The following AUTS2 variants were observed in gnomAD, a reference collection of about 807,000 sequenced individuals.
AUTS2 encodes the protein autism susceptibility gene 2 protein.
AUTS2 carries 17 observed loss-of-function variants against 112.4 expected under a neutral mutation model. The observed-to-expected ratio is 0.15, with a 90% CI of 0.10 to 0.23. The LOEUF (loss-of-function observed/expected upper bound fraction) is 0.23, where lower values mean the gene tolerates loss of function less well. AUTS2 is among the 10% of genes least tolerant of loss of function. The pLI is 1.00. For synonymous variants in AUTS2, 751 were observed against 702.7 expected, an observed-to-expected ratio of 1.07 and a Z score of -1.09; for missense variants, 1,510 against 1,701.6, an observed-to-expected ratio of 0.89 and a Z score of 1.98.
chr7:69,729,992 TA>T (rs1786712153), intron 1 of AUTS2, among the ~76,000 whole-genome samples: 1 of 132,200 alleles, frequency 7.6e-6, no homozygotes, highest in African/African-American at 2.8e-5. Flanking sequence ...GTTGTTGTTT[TA>T]ATTTTTTTTT....
At chr7:69,762,193 G>A (rs564410383) in intron 1 of AUTS2, among the ~76,000 whole-genome samples, 31 of 151,698 alleles carry the variant, frequency 2.0e-4, no homozygotes, top group Non-Finnish European at 3.7e-4. Flanking sequence ...TTTAACTACC[G>A]GTAACATAAT....
chr7:69,821,457 G>A (rs1790987706), intron 1 of AUTS2, among the ~76,000 whole-genome samples: 1 of 152,112 alleles, frequency 6.6e-6, no homozygotes, highest in Non-Finnish European at 1.5e-5. Context: ...GACGTGGGCA[G>A]GGACAAATAA....
rs146367672 is a variant in AUTS2 at position 70,400,811 on chromosome 7, C to A, written c.661-34941C>A. ...AAAAATACATATACCTTGGGCCCCACCCAGACTTACTCAATCCTAATCTAT... is the reference window on the plus strand; with the variant it reads ...AAAAATACATATACCTTGGGCCCCAACCAGACTTACTCAATCCTAATCTAT... On this transcript the variant is annotated intron_variant, in intron 4 of 18. Transcript: ENST00000342771. Among the ~76,000 whole-genome samples, 465 of 152,252 alleles carry A rather than the reference C, an allele frequency of 3.1e-3. 4 individuals are homozygous for A. The highest frequency in any genetic ancestry group is 0.011 in the African/African-American group (445 of 41,530).
intron 5 of AUTS2, among the ~76,000 whole-genome samples, chr7:70,568,373 A>T (rs1339762435): frequency 1.3e-5 from 2 of 152,204 alleles, no homozygotes; most frequent in East Asian, 3.8e-4. Context: ...CTAGCTCTTC[A>T]GATTGTGAGG....
intron 1 of AUTS2, among the ~76,000 whole-genome samples, chr7:69,869,131 A>T (rs1032443233): frequency 3.6e-4 from 55 of 152,336 alleles, no homozygotes; most frequent in Non-Finnish European, 6.5e-4. Context: ...TGTACCACAG[A>T]GTTACGCAAG....
chr7:70,495,173 G>A (rs995893352), intron 5 of AUTS2, among the ~76,000 whole-genome samples: 1 of 147,274 alleles, frequency 6.8e-6, no homozygotes, highest in African/African-American at 2.5e-5. Context: ...ACCTGGGAGA[G>A]AGTGAGGGAA....
chr7:70,705,925 C>T (rs1437663198), intron 6 of AUTS2, among the ~76,000 whole-genome samples: 1 of 152,340 alleles, frequency 6.6e-6, no homozygotes, highest in South Asian at 2.1e-4. Flanking sequence ...CCGAACAAGC[C>T]TCTCAGCATG....
intron 1 of AUTS2, among the ~76,000 whole-genome samples, chr7:69,736,647 G>C (rs1380504181): frequency 2.0e-5 from 3 of 152,214 alleles, no homozygotes; most frequent in Admixed American, 6.5e-5. Flanking sequence ...CTCTCAGTAA[G>C]CAGGCTGTAA....
At chr7:69,786,747 C>T (rs1024335787) in intron 1 of AUTS2, among the ~76,000 whole-genome samples, 1 of 152,156 alleles carries the variant, frequency 6.6e-6, no homozygotes, top group African/African-American at 2.4e-5. Flanking sequence ...AGCCACCGTG[C>T]CTGACCTGTC....
At chr7:69,792,262 C>T (rs1258847656) in intron 1 of AUTS2, among the ~76,000 whole-genome samples, 25 of 147,326 alleles carry the variant, frequency 1.7e-4, no homozygotes, top group Admixed American at 1.3e-3. Flanking sequence ...TTTTTTAAGA[C>T]GGAGTCTCGC....
chr7:70,672,603 T>TC (rs752393336), intron 5 of AUTS2, among the ~76,000 whole-genome samples: 6 of 151,652 alleles, frequency 4.0e-5, no homozygotes, highest in Middle Eastern at 3.2e-3. Flanking sequence ...GATTTCTTTT[T>TC]CTTTTTTTTT....
At chr7:70,545,380 C>A (rs1307925602) in intron 5 of AUTS2, among the ~76,000 whole-genome samples, 1 of 152,200 alleles carries the variant, frequency 6.6e-6, no homozygotes, top group South Asian at 2.1e-4. Flanking sequence ...CCCTGCTGTT[C>A]CAGTTCACTG....
intron 1 of AUTS2, among the ~76,000 whole-genome samples, chr7:69,765,597 G>A (rs1453117320): frequency 2.0e-5 from 3 of 152,132 alleles, no homozygotes; most frequent in East Asian, 3.9e-4. Context: ...GATCACAGGC[G>A]TGAGCCACTG....
At chr7:70,193,494 G>A (rs1810011619) in intron 4 of AUTS2, among the ~76,000 whole-genome samples, 2 of 152,278 alleles carry the variant, frequency 1.3e-5, no homozygotes, top group Admixed American at 6.5e-5. Flanking sequence ...TAGAAATCTT[G>A]AGGTTTAGAG....
intron 2 of AUTS2, among the ~76,000 whole-genome samples, chr7:69,991,902 A>G (rs1798756343): frequency 6.6e-6 from 1 of 152,194 alleles, no homozygotes; most frequent in East Asian, 1.9e-4. Flanking sequence ...AGATAACCAG[A>G]TATGTATCTG....
intron 6 of AUTS2, among the ~76,000 whole-genome samples, chr7:70,752,624 C>G (rs1378674673): frequency 1.3e-5 from 2 of 152,144 alleles, no homozygotes; most frequent in Non-Finnish European, 2.9e-5. Flanking sequence ...TTGTCCTGAA[C>G]AGGGCCTAAC....
chr7:70,197,154 C>A (rs1252491864), intron 4 of AUTS2, among the ~76,000 whole-genome samples: 1 of 152,056 alleles, frequency 6.6e-6, no homozygotes, highest in Non-Finnish European at 1.5e-5. Flanking sequence ...CTGTATCTGC[C>A]ACCTTGTAGC....
Position 70,417,430 on chromosome 7 carries a change from C to T in AUTS2, c.661-18322C>T, listed in dbSNP as rs1418814792. ...CCTTCATACTGTCCCAGAAGCACAG[C>T]GAGGCAATTTCCAGGCGTAACCCTT... On this transcript the variant is annotated intron_variant, in intron 4 of 18. Transcript: ENST00000342771. Among the ~76,000 whole-genome samples, 8 of 152,154 alleles carry T rather than the reference C, an allele frequency of 5.3e-5. No homozygotes were observed. The South Asian group carries it at 6.2e-4, about 12-fold the overall frequency.
At chr7:70,768,390 T>C (rs1790073653) in intron 10 of AUTS2, among the ~76,000 whole-genome samples, 3 of 152,222 alleles carry the variant, frequency 2.0e-5, no homozygotes, top group African/African-American at 4.8e-5. Flanking sequence ...AATCACAGCA[T>C]TTCAGTCGTC....
Sources: gnomAD v4.1 joint callset for allele counts (sites outside exome capture counted in the v4.1 genomes callset) on GRCh38, gnomAD v4.1.1 for gene constraint, MANE v1.5 for transcripts, NCBI Gene and HGNC (gene_info 2026-07-23, HGNC 2026-07-21) for gene names.